Variants in TMEM181 observed in about 807,000 individuals in gnomAD.
TMEM181 encodes transmembrane protein 181.
A neutral mutation model predicts 71.9 loss-of-function variants in TMEM181; 39 were observed. The ratio of observed to expected loss-of-function variants is 0.54; its 90% CI spans 0.42 to 0.71. The LOEUF is 0.71. Among genes scored for constraint, TMEM181 ranks in the 30% least tolerant of loss-of-function variants. TMEM181 has a pLI of 0.00. For missense variants in TMEM181, 595 were observed against 583.0 expected, an observed-to-expected ratio of 1.02 and a Z score of -0.21; for synonymous variants, 245 against 228.8, an observed-to-expected ratio of 1.07 and a Z score of -0.64.
chr6:158,568,923 A>C (rs750696488), intron 1 of TMEM181, among the ~76,000 whole-genome samples: 3 of 152,142 alleles, frequency 2.0e-5, no homozygotes, highest in Non-Finnish European at 4.4e-5. Context: ...TTGATCTGAA[A>C]CGGGGTCTTG....
chr6:158,604,527 C>G (rs962727220), intron 6 of TMEM181, among the ~76,000 whole-genome samples: 2 of 152,190 alleles, frequency 1.3e-5, no homozygotes, highest in Non-Finnish European at 2.9e-5. Context: ...TGGCTAGCCT[C>G]TGCTCTGCTG....
At chr6:158,546,345 T>C (rs886831461) in intron 1 of TMEM181, among the ~76,000 whole-genome samples, 3 of 152,244 alleles carry the variant, frequency 2.0e-5, no homozygotes, top group African/African-American at 7.2e-5. Flanking sequence ...GCTAGAGGCA[T>C]TGATAGGCAC....
At chr6:158,598,798 C>G (rs1047058123) in intron 6 of TMEM181, among the ~76,000 whole-genome samples, 2 of 151,986 alleles carry the variant, frequency 1.3e-5, no homozygotes, top group Non-Finnish European at 1.5e-5. Context: ...CTCAGCTTCC[C>G]GAGTAGCTGG....
rs572886540 is a variant in TMEM181, at chr6:158,603,195, A to G, written c.493-2072A>G. ...TGACCTCCCAAATTCAGGAACCCCAAATTAGGCCAGTAGGCCAGTGGTCCC... is the reference window on the plus strand; with the variant it reads ...TGACCTCCCAAATTCAGGAACCCCAGATTAGGCCAGTAGGCCAGTGGTCCC... On this transcript the variant is annotated intron_variant, in intron 6 of 16. Coordinates refer to ENST00000684151, the MANE Select transcript of TMEM181 (RefSeq NM_001376852.1). Among the ~76,000 whole-genome samples the G allele has an allele frequency of 5.3e-5, 8 of 152,252 alleles. No homozygotes were observed. In the South Asian group the frequency reaches 8.3e-4, roughly 16 times the overall value.
intron 8 of TMEM181, 41 bp from the exon 9 acceptor site, chr6:158,608,292 G>A (rs975425471): frequency 6.8e-6 from 11 of 1,612,544 alleles, no homozygotes; most frequent in Non-Finnish European, 8.5e-6. Context: ...AGGTGCTGGC[G>A]GGCCTGTTTT....
At chr6:158,573,564 C>T (rs747472464) in intron 2 of TMEM181, 41 bp downstream of exon 2, 33 of 1,522,810 alleles carry the variant, frequency 2.2e-5, no homozygotes, top group Non-Finnish European at 2.6e-5. Context: ...TTGCCATGCG[C>T]GGTGGCCCTG....
intron 3 of TMEM181, 40 bp from the exon 4 acceptor site, chr6:158,583,914 T>TGA (rs1310442611): frequency 3.2e-5 from 48 of 1,507,580 alleles, no homozygotes; most frequent in Non-Finnish European, 4.2e-5. Context: ...GTAGACTCAA[T>TGA]GAAAAGGTCA....
At chr6:158,630,307 G>A (rs1786588038) in intron 15 of TMEM181, among the ~76,000 whole-genome samples, 1 of 152,048 alleles carries the variant, frequency 6.6e-6, no homozygotes, top group African/African-American at 2.4e-5. Flanking sequence ...ACCAGCCTGG[G>A]GAACAAAATA....
At chr6:158,540,739 T>C (rs1288835343) in intron 1 of TMEM181, among the ~76,000 whole-genome samples, 1 of 152,216 alleles carries the variant, frequency 6.6e-6, no homozygotes, top group South Asian at 2.1e-4. Flanking sequence ...TTCGCAGTGC[T>C]GGCTGCACAT....
In TMEM181 at chr6:158,584,048, T is replaced by A. The variant is rs762895407; in HGVS notation, c.259+4T>A. The A allele has an allele frequency of 1.2e-6, 2 of 1,600,602 alleles. No individual in the cohort carries two copies. The highest frequency in any genetic ancestry group is 2.2e-5 in the East Asian group (1 of 44,654). ...GTTGAGTTGGATCAATCAAAAGGTA[T>A]GGAGCTTGACATTTTGGAATGATTT... On this transcript the variant is annotated splice_donor_region_variant and intron_variant, in intron 4 of 16. Coordinates refer to ENST00000684151, the MANE Select transcript of TMEM181 (RefSeq NM_001376852.1).
At chr6:158,628,209 C>A in intron 13 of TMEM181, 199 bp from the exon 14 acceptor site, 5 of 704,018 alleles carry the variant, frequency 7.1e-6, no homozygotes, top group Non-Finnish European at 1.3e-5. Context: ...GATCCGAGAC[C>A]AAAAACCAGA....
Position 158,605,309 on chromosome 6 carries a change from T to C in TMEM181, c.535T>C (p.Phe179Leu). The C allele has an allele frequency of 6.2e-7, 1 of 1,614,084 alleles. No homozygotes were observed. The highest frequency in any genetic ancestry group is 8.5e-7 in the Non-Finnish European group (1 of 1,180,010). The change falls in exon 7 of 17, where the codon TTC (phenylalanine) becomes CTC (leucine). Residue 179 changes from phenylalanine (F) to leucine (L), a missense_variant. Physicochemically the swap from Phe to Leu is conservative, Grantham distance 22. Transcript: ENST00000684151. ...TGCCTTCTCCCGGTTGGAAATCTGG[T>C]TCCGGTTTTTCTTTGTGGTGCTCAC... ...NPAFSRLEIW[F>L]RFFFVVLTFI...
chr6:158,560,860 A>C (rs1270556759), intron 1 of TMEM181, among the ~76,000 whole-genome samples: 2 of 150,792 alleles, frequency 1.3e-5, no homozygotes, highest in African/African-American at 4.9e-5. Flanking sequence ...GTTTTTAATG[A>C]GGAAAAACCT....
chr6:158,605,163 T>G, intron 6 of TMEM181, 104 bp from the exon 7 acceptor site: 2 of 783,492 alleles, frequency 2.6e-6, no homozygotes, highest in East Asian at 2.6e-5. Flanking sequence ...TGTGTGTATG[T>G]GTATATATTG....
chr6:158,629,877 C>G (rs1189534467), intron 15 of TMEM181, 58 bp downstream of exon 15: 4 of 1,392,268 alleles, frequency 2.9e-6, no homozygotes, highest in Non-Finnish European at 4.1e-6. Flanking sequence ...GGCCTGTGTT[C>G]ATCCACGACC....
intron 10 of TMEM181, among the ~76,000 whole-genome samples, chr6:158,613,744 C>T (rs1445316575): frequency 6.6e-6 from 1 of 152,220 alleles, no homozygotes; most frequent in Non-Finnish European, 1.5e-5. Flanking sequence ...ATTCTTACCG[C>T]ACTGATGCAC....
At chr6:158,557,505 A>ATTATTTATTTAT (rs4022177), upstream of TMEM181, among the ~76,000 whole-genome samples, 8,178 of 146,864 alleles carry the variant, frequency 0.056, 301 homozygotes, top group African/African-American at 0.096. Flanking sequence ...CACAGCTGTA[A>ATTATTTATTTAT]TTATTTATTT....
chr6:158,567,200 G>A (rs1782562960), intron 1 of TMEM181, among the ~76,000 whole-genome samples: 1 of 152,182 alleles, frequency 6.6e-6, no homozygotes, highest in African/African-American at 2.4e-5. Context: ...CCAGCAAGAA[G>A]AAGAGGCAGT....
chr6:158,544,182 A>AGAGAGTGTGTGTGTGTGTGTGTGTGT (rs149735409), intron 1 of TMEM181, among the ~76,000 whole-genome samples: 20 of 127,648 alleles, frequency 1.6e-4, no homozygotes, highest in African/African-American at 5.5e-4. Flanking sequence ...AATTGGAGAG[A>AGAGAGTGTGTGTGTGTGTGTGTGTGT]GTGTGTGTGT....
Sources: allele counts gnomAD v4.1 joint callset (sites outside exome capture counted in the v4.1 genomes callset), GRCh38; gene constraint gnomAD v4.1.1; transcripts MANE v1.5; gene names NCBI Gene and HGNC (gene_info 2026-07-23, HGNC 2026-07-21).